Variants in ALS2 observed in about 807,000 individuals in gnomAD.
The protein encoded by ALS2 is alsin.
ALS2 carries 117 observed loss-of-function variants against 203.4 expected under a neutral mutation model. That is an observed-to-expected ratio of 0.58 (90% CI 0.50 to 0.67). The LOEUF is 0.67. ALS2 is among the 30% of genes least tolerant of loss of function. The pLI is 0.00. For synonymous variants in ALS2, 718 were observed against 725.9 expected, an observed-to-expected ratio of 0.99 and a Z score of 0.17; for missense variants, 1,715 against 1,989.4, an observed-to-expected ratio of 0.86 and a Z score of 2.62.
intron 23 of ALS2, chr2:201,720,202 C>CA: frequency 2.6e-6 from 1 of 380,602 alleles, no homozygotes; most frequent in Non-Finnish European, 5.0e-6. Context: ...AATATGAATG[C>CA]AAAAATCCTC....
chr2:201,738,482 A>T (rs1048269491), intron 12 of ALS2, 188 bp downstream of exon 12: 1 of 614,960 alleles, frequency 1.6e-6, no homozygotes, highest in Non-Finnish European at 2.9e-6. Flanking sequence ...TTTCAATAGC[A>T]TACTACTTAT....
chr2:201,704,577 A>C lies in ALS2; in HGVS notation c.4715T>G (p.Leu1572Arg), dbSNP rs2105963813. 6.2e-7 allele frequency: 1 copy of C among 1,614,156 alleles called. No individual in the cohort carries two copies. The highest frequency in any genetic ancestry group is 1.6e-4 in the Middle Eastern group (1 of 6,062). Residue 1572 changes from leucine (L) to arginine (R), a missense_variant, in exon 32 of 34, where the codon CTT (leucine) becomes CGT (arginine). Around this residue, in one of 3 missense-constraint regions of ALS2, gnomAD observed 1,227 missense variants for 1,413.5 expected, o/e 0.87. Coordinates refer to ENST00000264276, the MANE Select transcript of ALS2 (RefSeq NM_020919.4). ...ISTTFTPSDK[L>R]KVIQQTFEEI... The stretch of plus-strand genomic sequence containing the variant: ...CTCAAAAGTCTGCTGGATGACCTTA[A>C]GTTTGTCTGATGGGGTAAATGTTGT...
intron 10 of ALS2, 135 bp downstream of exon 10, chr2:201,744,123 C>T: frequency 2.1e-6 from 2 of 967,864 alleles, no homozygotes; most frequent in South Asian, 1.5e-5. Flanking sequence ...TGTTGACTAC[C>T]TGTGTACACA....
At chr2:201,752,212 C>T (rs1252745379) in intron 7 of ALS2, among the ~76,000 whole-genome samples, 1 of 152,188 alleles carries the variant, frequency 6.6e-6, no homozygotes, top group African/African-American at 2.4e-5. Context: ...AAAATAAAAC[C>T]TCTCACTTTA....
At position 201,768,946 on chromosome 2, in the gene ALS2, C is replaced by A; in HGVS notation, c.-60-1G>T. 1.3e-6 allele frequency: 2 copies of A among 1,512,080 alleles called. No homozygotes were observed. The highest frequency in any genetic ancestry group is 1.8e-6 in the Non-Finnish European group (2 of 1,089,884). 93.7% of individuals were successfully genotyped at this position (1,512,080 alleles called of 1,614,324 possible). On this transcript the variant is annotated splice_acceptor_variant, in intron 1 of 33. Transcript: ENST00000264276. LOFTEE classifies it low-confidence loss of function (5UTR_SPLICE). Reference sequence around the variant, plus strand: ...TTCTTTACAGAAAGTCTATCAAGACCTAAACAGTACAAGTAAGGAAAAGAG... The same window carrying A: ...TTCTTTACAGAAAGTCTATCAAGACATAAACAGTACAAGTAAGGAAAAGAG...
chr2:201,718,967 G>A (rs1690583732), intron 23 of ALS2, among the ~76,000 whole-genome samples: 2 of 151,938 alleles, frequency 1.3e-5, no homozygotes, highest in South Asian at 4.2e-4. Flanking sequence ...AAAGATTAGT[G>A]CAAAAATCAG....
chr2:201,704,308 C>A (rs1192953020), intron 32 of ALS2, 90 bp from the exon 33 acceptor site: 16 of 1,491,250 alleles, frequency 1.1e-5, no homozygotes, highest in Non-Finnish European at 1.5e-5. Flanking sequence ...GAAAGAACAG[C>A]TCAATAAAAG....
At position 201,760,973 on chromosome 2, in the gene ALS2, C is replaced by A; in HGVS notation, c.1021G>T (p.Asp341Tyr). 6.2e-7 allele frequency: 1 copy of A among 1,614,092 alleles called. No homozygotes were observed. Among genetic ancestry groups the A allele is most frequent in the Non-Finnish European group, 8.5e-7 (1 of 1,180,026 alleles). ...SSARNIPSYP[D>Y]TQAVNEYLRK... The stretch of plus-strand genomic sequence containing the variant: ...AGGTATTCATTGACTGCTTGGGTGT[C>A]AGGGTATGATGGTATGTTTCTGGCA... Residue 341 changes from aspartate to tyrosine, a missense_variant, in exon 4 of 34, where the codon GAC (aspartate) becomes TAC (tyrosine). Around this residue, in one of 3 missense-constraint regions of ALS2, gnomAD observed 476 missense variants for 539.3 expected, o/e 0.88. Transcript: ENST00000264276.
intron 6 of ALS2, 84 bp downstream of exon 6, chr2:201,754,419 A>C (rs1276959917): frequency 3.9e-6 from 6 of 1,547,140 alleles, no homozygotes; most frequent in Non-Finnish European, 5.4e-6. Flanking sequence ...TTCCTCTATG[A>C]GGAAAGTGAG....
At chr2:201,743,147 C>T (rs938507171) in intron 10 of ALS2, among the ~76,000 whole-genome samples, 7 of 151,462 alleles carry the variant, frequency 4.6e-5, no homozygotes, top group East Asian at 3.9e-4. Context: ...AAGTGATGTA[C>T]TAGAGAATTA....
At chr2:201,712,856 G>A (rs1690116386) in intron 25 of ALS2, among the ~76,000 whole-genome samples, 1 of 152,096 alleles carries the variant, frequency 6.6e-6, no homozygotes, top group Non-Finnish European at 1.5e-5. Context: ...TTTTGAAAAT[G>A]TTGGGCCACT....
At chr2:201,749,218 T>TA (rs11308291) in intron 8 of ALS2, among the ~76,000 whole-genome samples, 14,609 of 147,256 alleles carry the variant, frequency 0.099, 763 homozygotes, top group East Asian at 0.25. Context: ...CATCTAACAG[T>TA]AAAAAAAAAA....
chr2:201,768,812 G>A (rs2106105554), intron 2 of ALS2, 54 bp downstream of exon 2: 2 of 1,540,104 alleles, frequency 1.3e-6, no homozygotes, highest in Non-Finnish European at 1.8e-6. Flanking sequence ...CATATGTGAA[G>A]CTGTTTGCTA....
chr2:201,713,050 C>T (rs561617682), intron 25 of ALS2, among the ~76,000 whole-genome samples: 18 of 151,590 alleles, frequency 1.2e-4, no homozygotes, highest in Middle Eastern at 3.4e-3. Flanking sequence ...ATGGGTTTCA[C>T]GTCTTTTTAC....
chr2:201,765,941 G>A (rs1423260468), intron 3 of ALS2: 1 of 165,324 alleles, frequency 6.0e-6, no homozygotes, highest in Non-Finnish European at 1.5e-5. Context: ...TGTGTGCTTG[G>A]GAAAATTTAA....
In ALS2 at chr2:201,774,069, C is replaced by T. The variant is rs189809966; in HGVS notation, c.-60-5124G>A. Among the ~76,000 whole-genome samples, 54 of 152,234 alleles carry T rather than the reference C, an allele frequency of 3.5e-4. 1 individual carries two copies. The highest frequency in any genetic ancestry group is 3.2e-3 in the Admixed American group (49 of 15,298). On this transcript the variant is annotated intron_variant, in intron 1 of 33. Coordinates refer to ENST00000264276, the MANE Select transcript of ALS2 (RefSeq NM_020919.4). The stretch of plus-strand genomic sequence containing the variant: ...AATATCTTTATTTTCAGTGGGTGAT[C>T]CTTTTGAAAAATGTTGAAATGGCAA...
In ALS2 at chr2:201,724,465, G is replaced by T; in HGVS notation, c.3348-6C>A. 1 of 1,613,876 alleles carries T rather than the reference G, an allele frequency of 6.2e-7. No individual in the cohort carries two copies. The highest frequency in any genetic ancestry group is 1.1e-5 in the South Asian group (1 of 91,068). On this transcript the variant is annotated splice_region_variant and splice_polypyrimidine_tract_variant and intron_variant, in intron 20 of 33. Coordinates refer to ENST00000264276, the MANE Select transcript of ALS2 (RefSeq NM_020919.4). ...ATACTTCACCAGAAGCATAGCTGTG[G>T]TTGGAAAGAATGGATAATTATCACA... is the stretch of plus-strand genomic sequence containing the variant.
At chr2:201,746,510 C>A in intron 9 of ALS2, 56 bp downstream of exon 9, 1 of 1,599,054 alleles carries the variant, frequency 6.3e-7, no homozygotes, top group South Asian at 1.1e-5. Context: ...AAAACAAAAA[C>A]AAAAGACTTC....
intron 23 of ALS2, among the ~76,000 whole-genome samples, chr2:201,718,869 A>T (rs989329377): frequency 2.6e-5 from 4 of 152,212 alleles, no homozygotes; most frequent in Non-Finnish European, 5.9e-5. Flanking sequence ...TTCTCGAATC[A>T]GTAATGTAAA....
Sources: allele counts gnomAD v4.1 joint callset (sites outside exome capture counted in the v4.1 genomes callset), GRCh38; gene constraint gnomAD v4.1.1; regional missense constraint gnomAD v4.1.1; transcripts MANE v1.5; gene names NCBI Gene and HGNC (gene_info 2026-07-23, HGNC 2026-07-21).